The following CHCHD6 variants were observed in gnomAD, a reference collection of about 807,000 sequenced individuals.
CHCHD6 encodes MICOS complex subunit MIC25.
CHCHD6 carries 28 observed loss-of-function variants against 32.3 expected under a neutral mutation model. The ratio of observed to expected loss-of-function variants is 0.87; its 90% CI spans 0.64 to 1.19. The LOEUF (loss-of-function observed/expected upper bound fraction) is 1.19. Ranked by LOEUF, CHCHD6 falls within the 50% of genes most tolerant of loss-of-function variation. The pLI, the probability that CHCHD6 is intolerant of heterozygous loss-of-function variation, is 0.00. For missense variants in CHCHD6, 333 were observed against 307.0 expected (o/e 1.08, Z -0.63); for synonymous variants, 122 against 117.5 (o/e 1.04, Z -0.25).
At chr3:126,956,380 C>T (rs2078783318) in intron 6 of CHCHD6, among the ~76,000 whole-genome samples, 1 of 152,164 alleles carries the variant, frequency 6.6e-6, no homozygotes, top group Non-Finnish European at 1.5e-5. Flanking sequence ...ACAGTACATC[C>T]AAAGCCATGT....
intron 5 of CHCHD6, among the ~76,000 whole-genome samples, chr3:126,869,966 G>A (rs534440330): frequency 7.2e-5 from 11 of 152,280 alleles, no homozygotes; most frequent in African/African-American, 1.2e-4. Context: ...GGCACTTTCA[G>A]GATGTTTTCC....
In CHCHD6 at chr3:126,861,374, C is replaced by T. The variant is rs367902807; in HGVS notation, c.495+8644C>T. ...AAGTGATTTACTCCTTACTGAACTT[C>T]ACTTTCTTCATCTATATAAAGTTTC... On this transcript the variant is annotated intron_variant, in intron 5 of 7. Coordinates refer to ENST00000290913, the MANE Select transcript of CHCHD6 (RefSeq NM_032343.3). 2.0e-5 allele frequency among the ~76,000 whole-genome samples: 3 copies of T among 152,104 alleles called. No individual in the cohort carries two copies. In the East Asian group the frequency reaches 5.8e-4, roughly 29 times the overall value.
Position 126,864,869 on chromosome 3 carries a change from T to C in CHCHD6, c.495+12139T>C, listed in dbSNP as rs1467906451. 1.4e-4 allele frequency among the ~76,000 whole-genome samples: 10 copies of C among 69,950 alleles called. 1 individual carries two copies. Among genetic ancestry groups the C allele is most frequent in the Admixed American group, 4.0e-4 (3 of 7,570 alleles). 45.9% of individuals were successfully genotyped at this position (69,950 alleles called of 152,430 possible). ...ATCATCTCCTCTTCCTCCTCCACCA[T>C]CATCTCCTCCTCCTCCTCCACCATC... On this transcript the variant is annotated intron_variant, in intron 5 of 7. Transcript: ENST00000290913.
intron 6 of CHCHD6, chr3:126,949,807 A>T (rs984474523): frequency 3.1e-5 from 5 of 163,006 alleles, no homozygotes. Context: ...ATTATCATGG[A>T]TGGAAGGAAA....
intron 2 of CHCHD6, 83 bp downstream of exon 2, chr3:126,727,269 G>A (rs576669362): frequency 2.9e-5 from 27 of 940,318 alleles, no homozygotes; most frequent in South Asian, 2.8e-4. Flanking sequence ...ACCTGATGGC[G>A]CACAGGGCTC....
At chr3:126,815,653 C>A (rs932428406) in intron 4 of CHCHD6, among the ~76,000 whole-genome samples, 2 of 150,388 alleles carry the variant, frequency 1.3e-5, no homozygotes, top group Non-Finnish European at 3.0e-5. Context: ...GCCCCCCCCC[C>A]CCCATCTGTG....
At chr3:126,767,398 T>C in intron 4 of CHCHD6, 1 of 748,550 alleles carries the variant, frequency 1.3e-6, no homozygotes. Flanking sequence ...CCTCGATGAG[T>C]CTGGGGGCTC....
chr3:126,772,470 A>G (rs1937561540), intron 4 of CHCHD6, among the ~76,000 whole-genome samples: 1 of 152,194 alleles, frequency 6.6e-6, no homozygotes, highest in East Asian at 1.9e-4. Context: ...TTCGTGTTAA[A>G]TTGAACTCTT....
intron 5 of CHCHD6, among the ~76,000 whole-genome samples, chr3:126,902,504 C>T (rs1018848126): frequency 1.3e-5 from 2 of 152,086 alleles, no homozygotes; most frequent in Non-Finnish European, 2.9e-5. Context: ...ATCATGAGGT[C>T]AGGAGATCGA....
Position 126,869,518 on chromosome 3 carries a change from A to G in CHCHD6, c.495+16788A>G, listed in dbSNP as rs936288023. On this transcript the variant is annotated intron_variant, in intron 5 of 7. Coordinates refer to ENST00000290913, the MANE Select transcript of CHCHD6 (RefSeq NM_032343.3). Reference sequence around the variant, plus strand: ...GTGATGGTACAAAATTTTGCATATAATTATTGATACGGCTGAGCATCTTTT... The same window carrying G: ...GTGATGGTACAAAATTTTGCATATAGTTATTGATACGGCTGAGCATCTTTT... Among the ~76,000 whole-genome samples the G allele has an allele frequency of 5.3e-5, 8 of 152,044 alleles. No homozygotes were observed. The East Asian group carries it at 1.3e-3, about 26-fold the overall frequency.
chr3:126,914,159 G>A (rs1360590931), intron 5 of CHCHD6, among the ~76,000 whole-genome samples: 3 of 152,322 alleles, frequency 2.0e-5, no homozygotes, highest in East Asian at 1.9e-4. Flanking sequence ...ACACTGCCCC[G>A]TTGCTCTGTG....
chr3:126,724,418 G>T (rs1935442875), intron 1 of CHCHD6, among the ~76,000 whole-genome samples: 1 of 152,144 alleles, frequency 6.6e-6, no homozygotes, highest in Non-Finnish European at 1.5e-5. Flanking sequence ...CTAACATTAT[G>T]CCTAAAAAGT....
chr3:126,950,415 A>G (rs1252727520), intron 6 of CHCHD6, among the ~76,000 whole-genome samples: 1 of 152,222 alleles, frequency 6.6e-6, no homozygotes, highest in African/African-American at 2.4e-5. Context: ...GGAAGACTGC[A>G]ATGAAAATTG....
chr3:126,755,618 A>G (rs1205026213), intron 4 of CHCHD6, among the ~76,000 whole-genome samples: 1 of 152,212 alleles, frequency 6.6e-6, no homozygotes, highest in Non-Finnish European at 1.5e-5. Flanking sequence ...CTGTCTCATT[A>G]AATGCAGATA....
intron 7 of CHCHD6, 127 bp from the exon 8 acceptor site, chr3:126,960,069 G>A (rs897198300): frequency 2.8e-6 from 3 of 1,090,734 alleles, no homozygotes; most frequent in African/African-American, 1.5e-5. Flanking sequence ...TGGGTCTCCA[G>A]GTGAGGAGGG....
chr3:126,858,919 G>A (rs182950342), intron 5 of CHCHD6, among the ~76,000 whole-genome samples: 1 of 152,322 alleles, frequency 6.6e-6, no homozygotes, highest in East Asian at 1.9e-4. Context: ...CATAGGCACC[G>A]CAGAATCGCC....
At position 126,733,078 on chromosome 3, in the gene CHCHD6, G is replaced by A. The variant is rs200415645; in HGVS notation, c.267G>A (p.Arg89=). Residue 89 remains arginine, a splice_region_variant and synonymous_variant, in exon 4 of 8, where the codon AGG becomes AGA. Coordinates refer to ENST00000290913, the MANE Select transcript of CHCHD6 (RefSeq NM_032343.3). ...QPSGMKEGVK[R]YEQEHAAIQD... is the part of the protein sequence containing the mutation. ...TTCTCCTCATGTTTCTTCTGCACAGGTATGAACAGGAGCATGCTGCTATCC... is the reference window on the plus strand; with the variant it reads ...TTCTCCTCATGTTTCTTCTGCACAGATATGAACAGGAGCATGCTGCTATCC... 20 of 1,614,044 alleles carry A rather than the reference G, an allele frequency of 1.2e-5. No homozygotes were observed. The highest frequency in any genetic ancestry group is 1.7e-5 in the Non-Finnish European group (20 of 1,180,026).
intron 4 of CHCHD6, among the ~76,000 whole-genome samples, chr3:126,824,432 G>A (rs1243735879): frequency 2.0e-5 from 3 of 151,092 alleles, no homozygotes; most frequent in Non-Finnish European, 4.4e-5. Context: ...GTGGTGGTGC[G>A]TGCCTGTAAT....
At chr3:126,947,219 C>T (rs187062370) in intron 6 of CHCHD6, among the ~76,000 whole-genome samples, 4 of 152,334 alleles carry the variant, frequency 2.6e-5, no homozygotes, top group African/African-American at 7.2e-5. Flanking sequence ...CATGACAGGA[C>T]GCTTCCGCTC....
Sources: allele counts gnomAD v4.1 joint callset (sites outside exome capture counted in the v4.1 genomes callset), GRCh38; gene constraint gnomAD v4.1.1; transcripts MANE v1.5; gene names NCBI Gene and HGNC (gene_info 2026-07-23, HGNC 2026-07-21).